The following EXD3 variants were observed in gnomAD, a reference collection of about 807,000 sequenced individuals.
EXD3 encodes the protein exonuclease 3'-5' domain containing 3, also known as exonuclease mut-7 homolog.
Under a neutral mutation model 98.0 loss-of-function variants are expected in EXD3, and 92 were observed. That is an observed-to-expected ratio of 0.94 (90% confidence interval 0.79 to 1.12). The LOEUF is 1.12. Ranked by LOEUF, EXD3 falls within the 50% of genes most tolerant of loss-of-function variation. The pLI is 0.00. For synonymous variants in EXD3, 569 were observed against 526.0 expected (o/e 1.08, Z -1.12); for missense variants, 1,222 against 1,191.6 (o/e 1.03, Z -0.38).
chr9:137,330,733 A>G (rs779107729), intron 17 of EXD3, among the ~76,000 whole-genome samples: 1 of 152,206 alleles, frequency 6.6e-6, no homozygotes, highest in Non-Finnish European at 1.5e-5. Context: ...CTACAAGAAT[A>G]AACCCGGCAA....
At chr9:137,316,060 GC>G (rs950345056) in intron 19 of EXD3, among the ~76,000 whole-genome samples, 2 of 108,834 alleles carry the variant, frequency 1.8e-5, no homozygotes, top group African/African-American at 6.9e-5. Flanking sequence ...CTCCCCCCTC[GC>G]CCCCCAGCTC....
At chr9:137,368,612 A>G (rs1347363771) in intron 5 of EXD3, among the ~76,000 whole-genome samples, 1 of 152,206 alleles carries the variant, frequency 6.6e-6, no homozygotes, top group Non-Finnish European at 1.5e-5. Flanking sequence ...TCCCATAGCC[A>G]GCAAAAATGA....
chr9:137,405,855 C>A lies in EXD3; in HGVS notation c.-47-10451G>T, dbSNP rs1464529733. ...TGCTGCCCTGGAACCCTTGGTGGGA[C>A]CCGCTGCCCACAGACACCTTGCCCG... On this transcript the variant is annotated intron_variant, in intron 1 of 21. Coordinates refer to ENST00000340951, the MANE Select transcript of EXD3 (RefSeq NM_017820.5). This position sits in a 1 kb window ranked among gnomAD's most constrained non-coding sequence, Gnocchi z 4.1. Among the ~76,000 whole-genome samples the A allele has an allele frequency of 2.0e-5, 3 of 152,240 alleles. No homozygotes were observed. In the East Asian group the frequency reaches 5.8e-4, roughly 29 times the overall value.
rs565344290 is a variant in EXD3, at chr9:137,369,656, G to A, written c.463-1667C>T. 9.2e-5 allele frequency among the ~76,000 whole-genome samples: 14 copies of A among 152,290 alleles called. No homozygotes were observed. In the South Asian group the frequency reaches 2.7e-3, roughly 29 times the overall value. ...TCAGGCTCCAGTCCCAGCCCTCGGC[G>A]GGCCCCACCCAACCAGGAACCCCTC... On this transcript the variant is annotated intron_variant, in intron 5 of 21. Coordinates refer to ENST00000340951, the MANE Select transcript of EXD3 (RefSeq NM_017820.5).
At chr9:137,358,605 G>A (rs1229976108) in intron 7 of EXD3, among the ~76,000 whole-genome samples, 3 of 152,114 alleles carry the variant, frequency 2.0e-5, no homozygotes, top group African/African-American at 7.2e-5. Flanking sequence ...TGAAATTTTT[G>A]TCTTCATTTT....
intron 19 of EXD3, among the ~76,000 whole-genome samples, chr9:137,312,907 G>A (rs185013630): frequency 6.6e-6 from 1 of 152,232 alleles, no homozygotes; most frequent in Admixed American, 6.5e-5. Context: ...CTGACCTGGT[G>A]CCCACCTGAC....
intron 5 of EXD3, among the ~76,000 whole-genome samples, chr9:137,369,633 A>G (rs1212501296): frequency 2.6e-5 from 4 of 152,078 alleles, no homozygotes; most frequent in African/African-American, 7.2e-5. Context: ...GACAGACTTC[A>G]GGCTCCAGTC....
intron 7 of EXD3, chr9:137,365,612 C>CAT (rs1835189061): frequency 5.0e-6 from 1 of 198,772 alleles, no homozygotes; most frequent in African/African-American, 2.4e-5. Context: ...TGCACACACA[C>CAT]GCACACCTGC....
rs1837589278 is a variant in EXD3, at chr9:137,403,848, G to C, written c.-47-8444C>G. On this transcript the variant is annotated intron_variant, in intron 1 of 21. Transcript: ENST00000340951. The surrounding 1 kb of genome is among the most constrained non-coding windows in gnomAD (Gnocchi z 6.1). ...CTGGGCTCTTCACCAGGAAATGAAG[G>C]GGAAGACAGACCTGTGGGATAGGGA... Among the ~76,000 whole-genome samples, 1 of 152,222 alleles carries C rather than the reference G, an allele frequency of 6.6e-6. No homozygotes were observed. Among genetic ancestry groups the C allele is most frequent in the Non-Finnish European group, 1.5e-5 (1 of 68,038 alleles).
chr9:137,338,375 C>T (rs185895262), intron 17 of EXD3, among the ~76,000 whole-genome samples: 11 of 152,004 alleles, frequency 7.2e-5, no homozygotes, highest in East Asian at 5.8e-4. Flanking sequence ...ACTGATATAG[C>T]GCAGTGAAAA....
In EXD3 at chr9:137,412,392, A is replaced by G. The variant is rs952708306; in HGVS notation, c.-48+10722T>C. ...TTTGGGCATACTGGAGTTAAATAAAATATATTATTAAAATAAATTCACTTG... is the reference window on the plus strand; with the variant it reads ...TTTGGGCATACTGGAGTTAAATAAAGTATATTATTAAAATAAATTCACTTG... On this transcript the variant is annotated intron_variant, in intron 1 of 21. Coordinates refer to ENST00000340951, the MANE Select transcript of EXD3 (RefSeq NM_017820.5). 3.9e-5 allele frequency among the ~76,000 whole-genome samples: 6 copies of G among 152,374 alleles called. No homozygotes were observed. In the East Asian group the frequency reaches 1.2e-3, roughly 29 times the overall value.
At chr9:137,369,118 C>T (rs1835447041) in intron 5 of EXD3, among the ~76,000 whole-genome samples, 3 of 72,238 alleles carry the variant, frequency 4.2e-5, no homozygotes, top group Non-Finnish European at 8.0e-5. Context: ...GTGGGAGTCT[C>T]GGAGTCGTGG....
chr9:137,388,235 T>C (rs1836708741), intron 2 of EXD3, among the ~76,000 whole-genome samples: 1 of 152,002 alleles, frequency 6.6e-6, no homozygotes, highest in South Asian at 2.1e-4. Flanking sequence ...AAAACGTGCC[T>C]GGGAGGGCTC....
At chr9:137,354,661 G>C (rs367900160) in intron 9 of EXD3, 39 bp downstream of exon 9, 9 of 1,607,358 alleles carry the variant, frequency 5.6e-6, no homozygotes, top group Non-Finnish European at 6.8e-6. Flanking sequence ...GGCTCAGGCC[G>C]CGGCTGGCTG....
intron 1 of EXD3, among the ~76,000 whole-genome samples, chr9:137,410,224 C>G (rs1837928931): frequency 6.6e-6 from 1 of 151,892 alleles, no homozygotes; most frequent in African/African-American, 2.4e-5. Flanking sequence ...GTGGCTCATG[C>G]CTGCAATCCT....
At chr9:137,307,295 T>C in intron 21 of EXD3, 32 bp from the exon 22 acceptor site, 1 of 1,457,356 alleles carries the variant, frequency 6.9e-7, no homozygotes, top group Admixed American at 2.6e-5. Context: ...CCCTGAGCCC[T>C]CAGCCTTCGG....
chr9:137,371,150 G>A lies in EXD3; in HGVS notation c.462+1755C>T, dbSNP rs951688273. ...GAGCGCGAGGGAGGCGCATTCAGCC[G>A]GCCCCAGACAGTCTTTGAAAGGCTC... On this transcript the variant is annotated intron_variant, in intron 5 of 21. Coordinates refer to ENST00000340951, the MANE Select transcript of EXD3 (RefSeq NM_017820.5). The surrounding 1 kb of genome is among the most constrained non-coding windows in gnomAD (Gnocchi z 8.0). 3.3e-5 allele frequency among the ~76,000 whole-genome samples: 5 copies of A among 152,192 alleles called. No individual in the cohort carries two copies. The highest frequency in any genetic ancestry group is 7.2e-5 in the African/African-American group (3 of 41,452).
intron 7 of EXD3, chr9:137,365,989 C>A: frequency 1.8e-6 from 1 of 567,072 alleles, no homozygotes; most frequent in South Asian, 1.6e-5. Flanking sequence ...CACACACATG[C>A]ACACCTGCAG....
In EXD3 at chr9:137,371,432, C is replaced by T. The variant is rs530910428; in HGVS notation, c.462+1473G>A. ...TCCTGTGAGGGCCCGGCCAGGGCAG[C>T]CCCCGATGCCCGTGCCCAGGTTCCA... On this transcript the variant is annotated intron_variant, in intron 5 of 21. Coordinates refer to ENST00000340951, the MANE Select transcript of EXD3 (RefSeq NM_017820.5). The surrounding 1 kb of genome is among the most constrained non-coding windows in gnomAD (Gnocchi z 8.0). Among the ~76,000 whole-genome samples, 129 of 152,224 alleles carry T rather than the reference C, an allele frequency of 8.5e-4. 2 individuals carry two copies. The highest frequency in any genetic ancestry group is 1.8e-3 in the Admixed American group (27 of 15,312).
Sources: gnomAD v4.1 joint callset for allele counts (sites outside exome capture counted in the v4.1 genomes callset) on GRCh38, gnomAD v4.1.1 for gene constraint, Gnocchi (gnomAD v3.1) non-coding constraint, MANE v1.5 for transcripts, NCBI Gene and HGNC (gene_info 2026-07-23, HGNC 2026-07-21) for gene names.